The following USP10 variants were observed in gnomAD, a reference collection of about 807,000 sequenced individuals.
The protein encoded by USP10 is ubiquitin specific peptidase 10, also known as ubiquitin carboxyl-terminal hydrolase 10.
In USP10, 22 loss-of-function variants were observed where a neutral mutation model predicts 84.5. That is an observed-to-expected ratio of 0.26 (90% confidence interval 0.19 to 0.37). USP10 has a LOEUF of 0.37. USP10 is among the 10% of genes least tolerant of loss of function. The probability of loss-of-function intolerance (pLI) is 1.00; values close to 1 mark genes in which losing one functional copy is unlikely to be tolerated. For missense variants in USP10, 1,019 were observed against 998.9 expected (o/e 1.02, Z -0.27); for synonymous variants, 454 against 387.6 (o/e 1.17, Z -2.01).
chr16:84,762,624 G>C (rs1567641835), intron 8 of USP10, among the ~76,000 whole-genome samples: 2 of 151,944 alleles, frequency 1.3e-5, no homozygotes, highest in South Asian at 2.1e-4. Context: ...CCGGGAGCTG[G>C]AGGTTGCACT....
chr16:84,704,919 T>C (rs1001559560), intron 1 of USP10: 32 of 1,535,090 alleles, frequency 2.1e-5, no homozygotes, highest in Non-Finnish European at 2.6e-5. Flanking sequence ...TCCTCGACTT[T>C]CCCTTTTGGG....
At position 84,764,120 on chromosome 16, in the gene USP10, G is replaced by T; in HGVS notation, c.1689G>T (p.Ser563=). The T allele has an allele frequency of 4.3e-6, 7 of 1,612,744 alleles. No individual in the cohort carries two copies. The highest frequency in any genetic ancestry group is 1.3e-5 in the African/African-American group (1 of 74,970). Residue 563 remains serine, a synonymous_variant, in exon 10 of 14, where the codon TCG becomes TCT. Transcript: ENST00000219473. ...TTTCCAACGGCCCCAAAAACCACTCGGTCAATGAAGAAGAGCAGGAAGAAC... is the reference window on the plus strand; with the variant it reads ...TTTCCAACGGCCCCAAAAACCACTCTGTCAATGAAGAAGAGCAGGAAGAAC... The part of the protein sequence containing the change: ...LTISNGPKNH[S]VNEEEQEEQG...
intron 13 of USP10, among the ~76,000 whole-genome samples, chr16:84,778,578 C>T (rs544418106): frequency 6.6e-6 from 1 of 152,158 alleles, no homozygotes; most frequent in Non-Finnish European, 1.5e-5. Context: ...GTCTGTAGGC[C>T]TGTACAGCTG....
chr16:84,761,153 C>T lies in USP10; in HGVS notation c.1554+878C>T, dbSNP rs1424525598. ...GCAGAAATGGAATGAAGTGCGCCCTCTGCCCTCAGTGAGGGAATGAGTTAA... is the reference window on the plus strand; with the variant it reads ...GCAGAAATGGAATGAAGTGCGCCCTTTGCCCTCAGTGAGGGAATGAGTTAA... On this transcript the variant is annotated intron_variant, in intron 8 of 13. Coordinates refer to ENST00000219473, the MANE Select transcript of USP10 (RefSeq NM_005153.3). Among the ~76,000 whole-genome samples the T allele has an allele frequency of 3.3e-5, 5 of 152,146 alleles. No homozygotes were observed. In the East Asian group the frequency reaches 9.6e-4, roughly 29 times the overall value.
At chr16:84,716,964 G>A (rs1437012551) in intron 1 of USP10, among the ~76,000 whole-genome samples, 1 of 152,214 alleles carries the variant, frequency 6.6e-6, no homozygotes, top group African/African-American at 2.4e-5. Context: ...TGTGATAGCA[G>A]TGTGCTTGCT....
intron 4 of USP10, among the ~76,000 whole-genome samples, chr16:84,750,051 C>G (rs1317274150): frequency 2.0e-5 from 3 of 152,112 alleles, no homozygotes; most frequent in Non-Finnish European, 2.9e-5. Context: ...GGAGAGGGAT[C>G]TGTGTTTCAG....
chr16:84,774,578 C>A (rs1021520426), intron 12 of USP10, among the ~76,000 whole-genome samples: 1 of 151,894 alleles, frequency 6.6e-6, no homozygotes, highest in Non-Finnish European at 1.5e-5. Flanking sequence ...TCAAGTGATT[C>A]TCCTGCCTCA....
intron 1 of USP10, chr16:84,704,655 A>AATGTAGAATTTATCATAAACCTCG (rs1431550227): frequency 1.3e-5 from 18 of 1,428,734 alleles, no homozygotes; most frequent in Non-Finnish European, 1.6e-5. Flanking sequence ...AGGATCAGAA[A>AATGTAGAATTTATCATAAACCTCG]ATGTAGAATT....
At chr16:84,747,615 T>A (rs1478215205) in intron 4 of USP10, among the ~76,000 whole-genome samples, 1 of 135,876 alleles carries the variant, frequency 7.4e-6, no homozygotes, top group Non-Finnish European at 1.5e-5. Context: ...CAGGCTGTAG[T>A]GCAGGAGGCA....
Position 84,779,232 on chromosome 16 carries a change from T to C in USP10, c.*150T>C, listed in dbSNP as rs1233088933. On this transcript the variant is annotated 3_prime_UTR_variant, in exon 14 of 14. Transcript: ENST00000219473. ...GAATGAAAAGGAGATGCCTTGGGGT[T>C]CGTGCACAACACAGCTTCTGTTGAC... 5 of 846,288 alleles carry C rather than the reference T, an allele frequency of 5.9e-6. No individual in the cohort carries two copies. The African/African-American group carries it at 6.9e-5, about 12-fold the overall frequency. 52.4% of individuals were successfully genotyped at this position (846,288 alleles called of 1,614,324 possible).
chr16:84,700,540 C>T (rs957160678), intron 1 of USP10, among the ~76,000 whole-genome samples: 1 of 152,130 alleles, frequency 6.6e-6, no homozygotes, highest in Admixed American at 6.5e-5. Flanking sequence ...CTGCCTGGAG[C>T]GAGCCTCAGA....
At chr16:84,756,765 C>T (rs17764342) in intron 4 of USP10, among the ~76,000 whole-genome samples, 42,923 of 152,046 alleles carry the variant, frequency 0.28, 7,538 homozygotes, top group Non-Finnish European at 0.41. Context: ...TTTGAAAATG[C>T]ACCTTTTTAA....
intron 1 of USP10, among the ~76,000 whole-genome samples, chr16:84,730,870 A>G (rs903258560): frequency 1.1e-4 from 17 of 152,108 alleles, no homozygotes; most frequent in African/African-American, 4.1e-4. Context: ...CCTGCAGAAC[A>G]TTCTGATTTC....
intron 1 of USP10, among the ~76,000 whole-genome samples, chr16:84,720,730 C>T (rs957528651): frequency 2.7e-5 from 4 of 150,910 alleles, no homozygotes; most frequent in Middle Eastern, 3.2e-3. Flanking sequence ...TACAGGTGCC[C>T]GCCACCACAC....
chr16:84,720,576 A>T (rs1360731471), intron 1 of USP10, among the ~76,000 whole-genome samples: 2 of 88,354 alleles, frequency 2.3e-5, no homozygotes, highest in Admixed American at 1.6e-4. Context: ...ATGATGCCCA[A>T]TTTTTTTTTT....
intron 8 of USP10, among the ~76,000 whole-genome samples, chr16:84,761,088 A>G (rs1238991229): frequency 6.6e-6 from 1 of 152,168 alleles, no homozygotes; most frequent in African/African-American, 2.4e-5. Flanking sequence ...TTGGCTTGGA[A>G]TTTGCACTTC....
In USP10 at chr16:84,778,936, A is replaced by G; in HGVS notation, c.2251A>G (p.Thr751Ala). 2 of 1,613,954 alleles carry G rather than the reference A, an allele frequency of 1.2e-6. No homozygotes were observed. The highest frequency in any genetic ancestry group is 1.7e-6 in the Non-Finnish European group (2 of 1,179,876). Residue 751 changes from threonine to alanine, a missense_variant, in exon 14 of 14, where the codon ACT becomes GCT. Thr to Ala is a moderately conservative substitution (Grantham distance 58, BLOSUM62 0). Coordinates refer to ENST00000219473, the MANE Select transcript of USP10 (RefSeq NM_005153.3). ...HGNSATGGHY[T>A]TDVFQIGLNG... ...CAACAGTGCGACGGGCGGCCATTAC[A>G]CTACAGACGTCTTCCAGATCGGTCT...
chr16:84,711,138 G>A (rs930981348), intron 1 of USP10, among the ~76,000 whole-genome samples: 2 of 152,190 alleles, frequency 1.3e-5, no homozygotes, highest in East Asian at 3.8e-4. Context: ...CGAGATTTCA[G>A]TTTGGCTTGG....
rs142341511 is a variant in USP10 at position 84,775,272 on chromosome 16, AG to A, written c.2209+51del. 4,925 of 1,582,580 alleles carry A rather than the reference AG, an allele frequency of 3.1e-3. 14 individuals are homozygous for A. Among genetic ancestry groups the A allele is most frequent in the Middle Eastern group, 8.0e-3 (48 of 6,000 alleles). On this transcript the variant is annotated intron_variant, in intron 13 of 13. Transcript: ENST00000219473. ...TACTTCTTCATTAAAACACTGATGA[AG>A]GGGTTTACAGCTGGGCACAGGTTTG... is the stretch of plus-strand genomic sequence containing the variant.
Sources: allele counts gnomAD v4.1 joint callset (sites outside exome capture counted in the v4.1 genomes callset), GRCh38; gene constraint gnomAD v4.1.1; transcripts MANE v1.5; gene names NCBI Gene and HGNC (gene_info 2026-07-23, HGNC 2026-07-21).